The following LAMTOR3 variants were observed in gnomAD, a reference collection of about 807,000 sequenced individuals.
LAMTOR3 encodes the protein ragulator complex protein LAMTOR3.
LAMTOR3 carries 14 observed loss-of-function variants against 20.3 expected under a neutral mutation model. The observed-to-expected ratio is 0.69, with a 90% CI of 0.46 to 1.08. LAMTOR3 has a LOEUF of 1.08. Ranked by LOEUF, LAMTOR3 falls within the 50% of genes least tolerant of loss-of-function variation. The probability of loss-of-function intolerance (pLI) is 0.00; values close to 1 mark genes in which losing one functional copy is unlikely to be tolerated. For synonymous variants in LAMTOR3, 40 were observed against 49.4 expected (o/e 0.81, Z 0.80); for missense variants, 125 against 143.7 (o/e 0.87, Z 0.67).
At chr4:99,889,920 G>A (rs1724992951) in intron 3 of LAMTOR3, among the ~76,000 whole-genome samples, 1 of 152,084 alleles carries the variant, frequency 6.6e-6, no homozygotes, top group African/African-American at 2.4e-5. Flanking sequence ...GGACTTCACA[G>A]AGAAATGAAT....
chr4:99,882,871 A>C (rs1724854011), intron 6 of LAMTOR3, among the ~76,000 whole-genome samples: 2 of 152,094 alleles, frequency 1.3e-5, no homozygotes, highest in South Asian at 2.1e-4. Flanking sequence ...ACATCTAGAA[A>C]TAAGCATATC....
At position 99,882,178 on chromosome 4, in the gene LAMTOR3, T is replaced by C. The variant is rs552930247; in HGVS notation, c.302-111A>G. 3.2e-5 allele frequency: 21 copies of C among 658,498 alleles called. No individual in the cohort carries two copies. The African/African-American group carries it at 3.2e-4, about 10-fold the overall frequency. 40.8% of individuals were successfully genotyped at this position (658,498 alleles called of 1,614,324 possible). On this transcript the variant is annotated intron_variant, in intron 6 of 6. Transcript: ENST00000499666. ...TAGTTACCAAAAGTAAATCAGAACATAGTTTATTTCCCATGACTGAAACAA... is the reference window on the plus strand; with the variant it reads ...TAGTTACCAAAAGTAAATCAGAACACAGTTTATTTCCCATGACTGAAACAA...
At position 99,890,916 on chromosome 4, in the gene LAMTOR3, C is replaced by G. The variant is rs143865496; in HGVS notation, c.44+1084G>C. ...GCTTCATCATATCCAGTGTCACACGCTATTATGATTTTGAGAGCACACTTA... is the reference window on the plus strand; with the variant it reads ...GCTTCATCATATCCAGTGTCACACGGTATTATGATTTTGAGAGCACACTTA... On this transcript the variant is annotated intron_variant, in intron 3 of 6. Coordinates refer to ENST00000499666, the MANE Select transcript of LAMTOR3 (RefSeq NM_021970.4). Among the ~76,000 whole-genome samples the G allele has an allele frequency of 3.3e-3, 508 of 152,252 alleles. 4 individuals carry two copies. Among genetic ancestry groups the G allele is most frequent in the African/African-American group, 0.012 (480 of 41,556 alleles).
Position 99,887,332 on chromosome 4 carries a change from C to G in LAMTOR3, c.67G>C (p.Val23Leu). 6.4e-7 allele frequency: 1 copy of G among 1,552,672 alleles called. No homozygotes were observed. The highest frequency in any genetic ancestry group is 1.2e-5 in the South Asian group (1 of 81,648). ...LPSVEGLHAI[V>L]VSDRDGVPVI... Reference sequence around the variant, plus strand: ...GGTACTCCATCTCTATCTGACACAACAATGGCATGGAGCCCTTCAACACTA... The same window carrying G: ...GGTACTCCATCTCTATCTGACACAAGAATGGCATGGAGCCCTTCAACACTA... The change falls in exon 4 of 7, where the codon GTT (valine) becomes CTT (leucine). Residue 23 changes from valine to leucine, a missense_variant. By Grantham distance (32) the Val-to-Leu change is conservative. Coordinates refer to ENST00000499666, the MANE Select transcript of LAMTOR3 (RefSeq NM_021970.4).
At chr4:99,886,032 TCTG>T (rs1724919716) in intron 4 of LAMTOR3, among the ~76,000 whole-genome samples, 1 of 152,218 alleles carries the variant, frequency 6.6e-6, no homozygotes, top group South Asian at 2.1e-4. Context: ...TTACAAAACT[TCTG>T]CTCTTATAAA....
Position 99,887,337 on chromosome 4 carries a change from G to C in LAMTOR3, c.62C>G (p.Ala21Gly), listed in dbSNP as rs745593345. The part of the protein sequence containing the change: ...KKLPSVEGLH[A>G]IVVSDRDGVP... ...TCCATCTCTATCTGACACAACAATG[G>C]CATGGAGCCCTTCAACACTAGAAAA... is the stretch of plus-strand genomic sequence containing the variant. The change falls in exon 4 of 7, where the codon GCC (alanine) becomes GGC (glycine). Residue 21 changes from alanine (A) to glycine (G), a missense_variant. Ala to Gly is a moderately conservative substitution (Grantham distance 60). Coordinates refer to ENST00000499666, the MANE Select transcript of LAMTOR3 (RefSeq NM_021970.4). 8.5e-6 allele frequency: 13 copies of C among 1,535,682 alleles called. No individual in the cohort carries two copies. The Admixed American group carries it at 2.4e-4, about 28-fold the overall frequency.
intron 3 of LAMTOR3, among the ~76,000 whole-genome samples, chr4:99,890,914 C>T (rs149492007): frequency 2.6e-5 from 4 of 152,230 alleles, no homozygotes; most frequent in East Asian, 3.9e-4. Context: ...CAGTGTCACA[C>T]GCTATTATGA....
chr4:99,888,731 G>C (rs1053402048), intron 3 of LAMTOR3, among the ~76,000 whole-genome samples: 2 of 152,048 alleles, frequency 1.3e-5, no homozygotes, highest in Non-Finnish European at 2.9e-5. Context: ...AGTCAGAAAA[G>C]TGTTATTAAA....
chr4:99,887,346 C>T lies in LAMTOR3; in HGVS notation c.53G>A (p.Gly18Glu), dbSNP rs1322981030. ...ATCTGACACAACAATGGCATGGAGC[C>T]CTTCAACACTAGAAAAAGAAAATAG... The part of the protein sequence containing the change: ...FLYKKLPSVE[G>E]LHAIVVSDRD... The change falls in exon 4 of 7, where the codon GGG (glycine) becomes GAG (glutamate). Residue 18 changes from glycine to glutamate, a missense_variant. Around this residue, in one of 3 missense-constraint regions of LAMTOR3, gnomAD observed 99 missense variants for 96.0 expected, o/e 1.03. Transcript: ENST00000499666. 6.8e-7 allele frequency: 1 copy of T among 1,478,258 alleles called. No homozygotes were observed. The highest frequency in any genetic ancestry group is 1.5e-5 in the South Asian group (1 of 68,714). 91.6% of individuals were successfully genotyped at this position (1,478,258 alleles called of 1,614,324 possible).
In LAMTOR3 at chr4:99,880,692, A is replaced by C. The variant is rs904436920; in HGVS notation, c.*1302T>G. The C allele has an allele frequency of 1.3e-5, 2 of 152,232 alleles. No homozygotes were observed. Among genetic ancestry groups the C allele is most frequent in the African/African-American group, 2.4e-5 (1 of 41,466 alleles). 9.4% of individuals were successfully genotyped at this position (152,232 alleles called of 1,614,324 possible). A position where few individuals can be genotyped will look rare whatever the true frequency, so the allele number is the denominator to read the frequency against. ...ATAACAATCACACATATTCTATGTG[A>C]AAGGCAACTCCCAGAGCATAGAAAT... On this transcript the variant is annotated 3_prime_UTR_variant, in exon 7 of 7. Coordinates refer to ENST00000499666, the MANE Select transcript of LAMTOR3 (RefSeq NM_021970.4).
intron 5 of LAMTOR3, among the ~76,000 whole-genome samples, chr4:99,885,000 T>C (rs1724896232): frequency 6.6e-6 from 1 of 151,578 alleles, no homozygotes; most frequent in Non-Finnish European, 1.5e-5. Context: ...CTTACATCAA[T>C]TGATTAGGAA....
rs1293219849 is a variant in LAMTOR3 at position 99,879,543 on chromosome 4, A to G, written c.*2451T>C. ...CCATTGCACTGGCAAAAATTTCCTG[A>G]ACGATATTAAATAATCCAGATAATG... On this transcript the variant is annotated 3_prime_UTR_variant, in exon 7 of 7. Coordinates refer to ENST00000499666, the MANE Select transcript of LAMTOR3 (RefSeq NM_021970.4). 1 of 152,176 alleles carries G rather than the reference A, an allele frequency of 6.6e-6. No homozygotes were observed. Among genetic ancestry groups the G allele is most frequent in the Non-Finnish European group, 1.5e-5 (1 of 68,024 alleles). 9.4% of individuals were successfully genotyped at this position (152,176 alleles called of 1,614,324 possible). A position where few individuals can be genotyped will look rare whatever the true frequency, so the allele number is the denominator to read the frequency against.
chr4:99,886,141 T>C (rs1310194077), intron 4 of LAMTOR3, among the ~76,000 whole-genome samples: 3 of 152,244 alleles, frequency 2.0e-5, no homozygotes, highest in South Asian at 4.1e-4. Flanking sequence ...GCATGGAGTT[T>C]GTTATATTAA....
In LAMTOR3 at chr4:99,884,403, A is replaced by G. The variant is rs147379541; in HGVS notation, c.238-278T>C. 8.5e-3 allele frequency among the ~76,000 whole-genome samples: 1,290 copies of G among 152,316 alleles called. 10 individuals are homozygous for G. Among genetic ancestry groups the G allele is most frequent in the African/African-American group, 0.029 (1,188 of 41,578 alleles). On this transcript the variant is annotated intron_variant, in intron 5 of 6. Transcript: ENST00000499666. ...CTTTTTATCTCTAAAGCCCAACAGA[A>G]TATCAATTACATTGTAAGGACTTAA...
chr4:99,882,698 C>G (rs1035800237), intron 6 of LAMTOR3, among the ~76,000 whole-genome samples: 3 of 151,900 alleles, frequency 2.0e-5, no homozygotes, highest in Admixed American at 6.6e-5. Flanking sequence ...CAGATTATAT[C>G]AAAAGATAGG....
chr4:99,881,919 T>C lies in LAMTOR3; in HGVS notation c.*75A>G. 2.0e-6 allele frequency: 2 copies of C among 1,003,310 alleles called. No homozygotes were observed. Among genetic ancestry groups the C allele is most frequent in the Non-Finnish European group, 3.1e-6 (2 of 642,970 alleles). 62.2% of individuals were successfully genotyped at this position (1,003,310 alleles called of 1,614,324 possible). A position where few individuals can be genotyped will look rare whatever the true frequency, so the allele number is the denominator to read the frequency against. ...TTGAGCACATGGATAAAAGTATTAT[T>C]GTAGTCTAAAGATTGCTGGATTGAT... On this transcript the variant is annotated 3_prime_UTR_variant, in exon 7 of 7. Coordinates refer to ENST00000499666, the MANE Select transcript of LAMTOR3 (RefSeq NM_021970.4).
At chr4:99,892,340 C>T (rs1010067548) in intron 2 of LAMTOR3, among the ~76,000 whole-genome samples, 7 of 152,204 alleles carry the variant, frequency 4.6e-5, no homozygotes, top group African/African-American at 1.7e-4. Context: ...ATGGGAAACA[C>T]ATTTTAGCCA....
chr4:99,894,047 C>G (rs13141071), intron 1 of LAMTOR3, 47 bp from the exon 2 acceptor site: 11 of 1,223,132 alleles, frequency 9.0e-6, no homozygotes, highest in South Asian at 6.6e-5. Flanking sequence ...GCTTCCTCGT[C>G]CTCCCCACCC....
At chr4:99,885,493 C>T (rs370051296) in intron 5 of LAMTOR3, 49 bp downstream of exon 5, 87 of 1,515,606 alleles carry the variant, frequency 5.7e-5, no homozygotes, top group Admixed American at 1.1e-4. Context: ...ATAAAAGGCA[C>T]AAAAATGACA....
Sources: allele counts gnomAD v4.1 joint callset (sites outside exome capture counted in the v4.1 genomes callset), GRCh38; gene constraint gnomAD v4.1.1; regional missense constraint gnomAD v4.1.1; transcripts MANE v1.5; gene names NCBI Gene and HGNC (gene_info 2026-07-23, HGNC 2026-07-21).